Variants in PHLDB2 observed in about 807,000 individuals in gnomAD.
PHLDB2 encodes pleckstrin homology-like domain family B member 2.
A neutral mutation model predicts 123.6 loss-of-function variants in PHLDB2; 71 were observed. That is an observed-to-expected ratio of 0.57 (90% CI 0.47 to 0.70). The LOEUF is 0.70. Among genes scored for constraint, PHLDB2 ranks in the 30% least tolerant of loss-of-function variants. The pLI is 0.00. For synonymous variants in PHLDB2, 547 were observed against 541.6 expected (o/e 1.01, Z -0.14); for missense variants, 1,446 against 1,519.5 (o/e 0.95, Z 0.80).
At chr3:111,878,193 G>A (rs2107295982) in intron 1 of PHLDB2, among the ~76,000 whole-genome samples, 1 of 152,292 alleles carries the variant, frequency 6.6e-6, no homozygotes, top group Admixed American at 6.5e-5. Flanking sequence ...AGCATGGGAT[G>A]TTTTTCCACT....
chr3:111,942,375 G>A (rs1406926199), intron 8 of PHLDB2, among the ~76,000 whole-genome samples: 1 of 152,140 alleles, frequency 6.6e-6, no homozygotes, highest in African/African-American at 2.4e-5. Context: ...GGGATTCTAT[G>A]TTTGTGATTA....
At chr3:111,902,098 A>C (rs2067237450) in intron 2 of PHLDB2, among the ~76,000 whole-genome samples, 1 of 152,294 alleles carries the variant, frequency 6.6e-6, no homozygotes, top group East Asian at 1.9e-4. Flanking sequence ...TTTTAAGTAG[A>C]AAGTGCAAAA....
intron 1 of PHLDB2, among the ~76,000 whole-genome samples, chr3:111,745,505 G>A (rs1457897417): frequency 1.3e-5 from 2 of 152,198 alleles, no homozygotes; most frequent in African/African-American, 2.4e-5. Context: ...GCTTACACCT[G>A]TAATCCCAGC....
At chr3:111,732,681 G>A (rs370089998) in exon 1 of PHLDB2, 755 of 1,535,482 alleles carry the variant, frequency 4.9e-4, no homozygotes, top group Non-Finnish European at 6.3e-4. Flanking sequence ...GGGAAGAGTC[G>A]GGATTGAAAA....
At chr3:111,966,358 A>G (rs982249846) in intron 13 of PHLDB2, among the ~76,000 whole-genome samples, 1 of 152,092 alleles carries the variant, frequency 6.6e-6, no homozygotes, top group African/African-American at 2.4e-5. Context: ...GCTTGCCTAT[A>G]TTTTGTCTTC....
chr3:111,889,345 A>G (rs1005654875), intron 2 of PHLDB2, among the ~76,000 whole-genome samples: 2 of 152,092 alleles, frequency 1.3e-5, no homozygotes, highest in Admixed American at 1.3e-4. Context: ...AGATCCTGAC[A>G]ACATGTGTCC....
At position 111,946,848 on chromosome 3, in the gene PHLDB2, G is replaced by T. The variant is rs372001993; in HGVS notation, c.2487+1491G>T. 2.7e-4 allele frequency among the ~76,000 whole-genome samples: 41 copies of T among 152,318 alleles called. No individual in the cohort carries two copies. The East Asian group carries it at 7.1e-3, about 26-fold the overall frequency. ...AAAAAGTAAGAGAGGGAGATGCAGG[G>T]AAATTGTTGTGGAGATTACTGCAGT... is the stretch of plus-strand genomic sequence containing the variant. On this transcript the variant is annotated intron_variant, in intron 9 of 17. Coordinates refer to ENST00000431670, the MANE Select transcript of PHLDB2 (RefSeq NM_001134438.2).
intron 1 of PHLDB2, among the ~76,000 whole-genome samples, chr3:111,794,914 T>C (rs2061090162): frequency 6.6e-6 from 1 of 152,184 alleles, no homozygotes; most frequent in African/African-American, 2.4e-5. Context: ...TCTGCCACTG[T>C]TGTCTTTAAT....
At chr3:111,951,357 T>C (rs533415115) in intron 10 of PHLDB2, among the ~76,000 whole-genome samples, 1 of 152,326 alleles carries the variant, frequency 6.6e-6, no homozygotes, top group South Asian at 2.1e-4. Flanking sequence ...TTTAATGAGA[T>C]AACGTATATA....
chr3:111,751,793 CA>C (rs2059781207), intron 1 of PHLDB2, among the ~76,000 whole-genome samples: 2 of 151,810 alleles, frequency 1.3e-5, no homozygotes, highest in African/African-American at 4.8e-5. Flanking sequence ...ACATATGTAA[CA>C]AACCTGCACC....
intron 12 of PHLDB2, chr3:111,958,117 A>G (rs1251330738): frequency 1.0e-5 from 2 of 199,184 alleles, no homozygotes; most frequent in Non-Finnish European, 1.8e-5. Flanking sequence ...TATTGTAACT[A>G]ACACCATCAA....
chr3:111,965,413 T>C (rs1400724557), intron 13 of PHLDB2, among the ~76,000 whole-genome samples: 1 of 152,230 alleles, frequency 6.6e-6, no homozygotes, highest in Admixed American at 6.5e-5. Flanking sequence ...CTGTGTTCTC[T>C]TCAACAGAAC....
intron 1 of PHLDB2, among the ~76,000 whole-genome samples, chr3:111,864,580 A>G (rs1391056962): frequency 6.6e-6 from 1 of 152,232 alleles, no homozygotes; most frequent in Non-Finnish European, 1.5e-5. Context: ...TATAGCAGCT[A>G]GTGGTCAATA....
At position 111,949,028 on chromosome 3, in the gene PHLDB2, A is replaced by G. The variant is rs1207212958; in HGVS notation, c.2584A>G (p.Thr862Ala). 3 of 1,613,664 alleles carry G rather than the reference A, an allele frequency of 1.9e-6. No homozygotes were observed. In the African/African-American group the frequency reaches 4.0e-5, roughly 22 times the overall value. ...QFPADADAVA[T>A]EPATAVLASQ... ...TCCTGCTGATGCTGATGCTGTTGCC[A>G]CTGAGCCTGCCACAGCTGTGCTGGC... Residue 862 changes from threonine to alanine, a missense_variant, in exon 10 of 18, where the codon ACT becomes GCT. Transcript: ENST00000431670.
chr3:111,925,608 C>A (rs1253692930), intron 5 of PHLDB2, among the ~76,000 whole-genome samples: 1 of 152,172 alleles, frequency 6.6e-6, no homozygotes, highest in Non-Finnish European at 1.5e-5. Context: ...AAGATTGGGA[C>A]CTCTGGTCTA....
At chr3:111,826,016 A>G (rs1357746308) in intron 1 of PHLDB2, among the ~76,000 whole-genome samples, 1 of 151,780 alleles carries the variant, frequency 6.6e-6, no homozygotes, top group Admixed American at 6.6e-5. Flanking sequence ...TAATATTATT[A>G]TTAGGCCGAG....
intron 1 of PHLDB2, among the ~76,000 whole-genome samples, chr3:111,791,785 T>C (rs1218736127): frequency 2.0e-5 from 3 of 152,228 alleles, no homozygotes; most frequent in Non-Finnish European, 4.4e-5. Flanking sequence ...AATTAGGATA[T>C]CCATTGCTTC....
intron 13 of PHLDB2, among the ~76,000 whole-genome samples, chr3:111,965,804 A>G (rs916716495): frequency 1.3e-5 from 2 of 152,232 alleles, no homozygotes; most frequent in African/African-American, 4.8e-5. Context: ...ATAGAATGTA[A>G]GCGGTGGAAA....
At chr3:111,863,719 C>G (rs1435704159) in intron 1 of PHLDB2, among the ~76,000 whole-genome samples, 2 of 152,064 alleles carry the variant, frequency 1.3e-5, no homozygotes, top group African/African-American at 2.4e-5. Flanking sequence ...ATGTGTTTAC[C>G]TAATGGGAAA....
Sources: gnomAD v4.1 joint callset for allele counts (sites outside exome capture counted in the v4.1 genomes callset) on GRCh38, gnomAD v4.1.1 for gene constraint, MANE v1.5 for transcripts, NCBI Gene and HGNC (gene_info 2026-07-23, HGNC 2026-07-21) for gene names.